Variants in FSTL5 observed in about 807,000 individuals in gnomAD.
The protein encoded by FSTL5 is follistatin-related protein 5.
In FSTL5, 62 loss-of-function variants were observed where a neutral mutation model predicts 89.1. The ratio of observed to expected loss-of-function variants is 0.70; its 90% CI spans 0.57 to 0.86. The LOEUF is 0.86. Among genes scored for constraint, FSTL5 ranks in the 40% least tolerant of loss-of-function variants. The pLI, the probability that FSTL5 is intolerant of heterozygous loss-of-function variation, is 0.00. For missense variants in FSTL5, 1,057 were observed against 1,001.6 expected (o/e 1.06, Z -0.75); for synonymous variants, 383 against 346.2 (o/e 1.11, Z -1.18).
intron 11 of FSTL5, among the ~76,000 whole-genome samples, chr4:161,509,595 A>C (rs774876503): frequency 9.2e-5 from 14 of 152,160 alleles, no homozygotes; most frequent in Non-Finnish European, 2.1e-4. Context: ...TGGCTTTCAC[A>C]GGGTACAGTG....
chr4:161,669,708 A>C (rs1370070864), intron 6 of FSTL5, among the ~76,000 whole-genome samples: 1 of 152,184 alleles, frequency 6.6e-6, no homozygotes, highest in Non-Finnish European at 1.5e-5. Flanking sequence ...AATTGGAGAA[A>C]ACTAAATGAC....
chr4:161,453,863 G>A (rs1733258161), intron 15 of FSTL5, among the ~76,000 whole-genome samples: 1 of 152,002 alleles, frequency 6.6e-6, no homozygotes, highest in Non-Finnish European at 1.5e-5. Context: ...CACAATGCTG[G>A]GATTACATGG....
chr4:162,145,587 A>G lies in FSTL5; in HGVS notation c.-17+18028T>C, dbSNP rs1002942086. Among the ~76,000 whole-genome samples the G allele has an allele frequency of 8.5e-5, 13 of 152,280 alleles. No homozygotes were observed. In the East Asian group the frequency reaches 2.5e-3, roughly 29 times the overall value. On this transcript the variant is annotated intron_variant, in intron 1 of 15. Coordinates refer to ENST00000306100, the MANE Select transcript of FSTL5 (RefSeq NM_020116.5). ...ATGACAGCCCTGTCTCAACATGGAC[A>G]TGAGGATATTCCATAATAAGGGAAA...
chr4:161,727,482 G>C (rs912079525), intron 6 of FSTL5, among the ~76,000 whole-genome samples: 4 of 152,114 alleles, frequency 2.6e-5, no homozygotes, highest in Non-Finnish European at 5.9e-5. Context: ...TCATTGAATA[G>C]AGTGAAGCTG....
chr4:161,567,434 C>T (rs1355518581), intron 8 of FSTL5, among the ~76,000 whole-genome samples: 1 of 152,158 alleles, frequency 6.6e-6, no homozygotes, highest in Non-Finnish European at 1.5e-5. Flanking sequence ...TCTTTCCACT[C>T]TCTTGTTATA....
intron 6 of FSTL5, among the ~76,000 whole-genome samples, chr4:161,735,836 T>C (rs1192217537): frequency 6.6e-6 from 1 of 152,128 alleles, no homozygotes; most frequent in East Asian, 1.9e-4. Context: ...GTAATATATG[T>C]TGATTCTTAT....
At chr4:161,399,736 G>C (rs1186955215) in intron 15 of FSTL5, among the ~76,000 whole-genome samples, 2 of 152,060 alleles carry the variant, frequency 1.3e-5, no homozygotes, top group Non-Finnish European at 2.9e-5. Context: ...ATTTAATAGA[G>C]AGACGAACTG....
At chr4:161,735,733 T>C (rs1739788702) in intron 6 of FSTL5, among the ~76,000 whole-genome samples, 1 of 152,204 alleles carries the variant, frequency 6.6e-6, no homozygotes, top group Non-Finnish European at 1.5e-5. Context: ...TATTGGTTTA[T>C]GAACACTTAA....
At chr4:161,881,245 G>A (rs1732621597) in intron 4 of FSTL5, among the ~76,000 whole-genome samples, 1 of 149,342 alleles carries the variant, frequency 6.7e-6, no homozygotes, top group South Asian at 2.1e-4. Flanking sequence ...TTTATCATTT[G>A]ATAATTGTAT....
intron 2 of FSTL5, among the ~76,000 whole-genome samples, chr4:162,077,656 T>TA (rs889338084): frequency 2.6e-5 from 4 of 151,578 alleles, no homozygotes; most frequent in African/African-American, 4.8e-5. Context: ...TGGTGATAAT[T>TA]AAAAAAATAA....
At chr4:161,555,052 G>C (rs577549728) in intron 8 of FSTL5, among the ~76,000 whole-genome samples, 8 of 151,562 alleles carry the variant, frequency 5.3e-5, no homozygotes, top group African/African-American at 1.9e-4. Flanking sequence ...TCACATTATT[G>C]CAGTCTTCAT....
At chr4:161,517,794 T>G (rs1730892200) in intron 10 of FSTL5, among the ~76,000 whole-genome samples, 1 of 152,172 alleles carries the variant, frequency 6.6e-6, no homozygotes, top group Non-Finnish European at 1.5e-5. Flanking sequence ...GCAAATCATT[T>G]TTTGATAAAA....
In FSTL5 at chr4:161,724,546, T is replaced by C. The variant is rs567932724; in HGVS notation, c.727+34865A>G. 1.8e-4 allele frequency among the ~76,000 whole-genome samples: 28 copies of C among 152,332 alleles called. 2 individuals are homozygous for C. The South Asian group carries it at 5.6e-3, about 30-fold the overall frequency. ...ATTCTAAAGACTTCTTCTGGACTGCTTTGAAGGATGTACATACTTTGCCTG... is the reference window on the plus strand; with the variant it reads ...ATTCTAAAGACTTCTTCTGGACTGCCTTGAAGGATGTACATACTTTGCCTG... On this transcript the variant is annotated intron_variant, in intron 6 of 15. Coordinates refer to ENST00000306100, the MANE Select transcript of FSTL5 (RefSeq NM_020116.5).
chr4:162,125,514 T>C (rs1395133187), intron 1 of FSTL5, among the ~76,000 whole-genome samples: 3 of 152,098 alleles, frequency 2.0e-5, no homozygotes, highest in Non-Finnish European at 4.4e-5. Context: ...TGTGGTTATG[T>C]TTTTAAGTTC....
chr4:161,684,203 G>A (rs541389419), intron 6 of FSTL5, among the ~76,000 whole-genome samples: 1 of 152,270 alleles, frequency 6.6e-6, no homozygotes, highest in South Asian at 2.1e-4. Flanking sequence ...TTGGTTCCAT[G>A]TTTTTGCAAT....
intron 8 of FSTL5, among the ~76,000 whole-genome samples, chr4:161,546,683 T>G (rs1578915011): frequency 6.6e-6 from 1 of 152,066 alleles, no homozygotes; most frequent in East Asian, 1.9e-4. Context: ...GTATAAAATC[T>G]AAAAAGTCTT....
At chr4:161,694,782 G>T (rs1169801711) in intron 6 of FSTL5, among the ~76,000 whole-genome samples, 1 of 149,078 alleles carries the variant, frequency 6.7e-6, no homozygotes, top group Non-Finnish European at 1.5e-5. Context: ...CCCAGGGATT[G>T]CTGGTGTTAT....
rs113332965 is a variant in FSTL5, at chr4:161,697,195, G to A, written c.728-40701C>T. ...CCATCCTCAAGGTTGCCTGCCATGG[G>A]ACTGAGGAATGGGGACGGGAAGTGC... On this transcript the variant is annotated intron_variant, in intron 6 of 15. Transcript: ENST00000306100. Among the ~76,000 whole-genome samples the A allele has an allele frequency of 3.9e-3, 593 of 152,222 alleles. 5 individuals carry two copies. Among genetic ancestry groups the A allele is most frequent in the Non-Finnish European group, 6.0e-3 (405 of 67,996 alleles).
Position 161,847,375 on chromosome 4 carries a change from A to C in FSTL5, c.410-71301T>G, listed in dbSNP as rs142801839. On this transcript the variant is annotated intron_variant, in intron 4 of 15. Transcript: ENST00000306100. ...AATGCAATAATTTTATTAGAGAGAAACCATTACTATCCCTATTTTACAGAT... is the reference window on the plus strand; with the variant it reads ...AATGCAATAATTTTATTAGAGAGAACCCATTACTATCCCTATTTTACAGAT... 1.8e-4 allele frequency among the ~76,000 whole-genome samples: 27 copies of C among 152,268 alleles called. No homozygotes were observed. In the East Asian group the frequency reaches 4.4e-3, roughly 25 times the overall value.
Sources: gnomAD v4.1 joint callset for allele counts (sites outside exome capture counted in the v4.1 genomes callset) on GRCh38, gnomAD v4.1.1 for gene constraint, MANE v1.5 for transcripts, NCBI Gene and HGNC (gene_info 2026-07-23, HGNC 2026-07-21) for gene names.